The following KLHL40 variants were observed in gnomAD, a reference collection of about 807,000 sequenced individuals.
The protein encoded by KLHL40 is kelch-like protein 40.
KLHL40 carries 44 observed loss-of-function variants against 49.7 expected under a neutral mutation model. The observed-to-expected ratio is 0.89, with a 90% confidence interval of 0.70 to 1.14. The LOEUF (loss-of-function observed/expected upper bound fraction) is 1.14, where lower values mean the gene tolerates loss of function less well. KLHL40 is among the 50% of genes most tolerant of loss of function. The probability of loss-of-function intolerance (pLI) is 0.00; values close to 1 mark genes in which losing one functional copy is unlikely to be tolerated. For synonymous variants in KLHL40, 409 were observed against 365.2 expected, an observed-to-expected ratio of 1.12 and a Z score of -1.37; for missense variants, 892 against 850.3, an observed-to-expected ratio of 1.05 and a Z score of -0.61.
Position 42,686,481 on chromosome 3 carries a change from G to A in KLHL40, c.863G>A (p.Ser288Asn). The A allele has an allele frequency of 6.2e-7, 1 of 1,614,106 alleles. No homozygotes were observed. The change falls in exon 1 of 6, where the codon AGC (serine) becomes AAC (asparagine). Residue 288 changes from serine to asparagine, a missense_variant. Coordinates refer to ENST00000287777, the MANE Select transcript of KLHL40 (RefSeq NM_152393.4). ...AGAKEADKGT[S>N]KAKAEEDEEA... ...GCCAAGGAGGCTGATAAGGGCACAA[G>A]CAAAGCCAAAGCAGAGGAGGATGAG...
At position 42,686,425 on chromosome 3, in the gene KLHL40, G is replaced by T. The variant is rs774102349; in HGVS notation, c.807G>T (p.Arg269=). Residue 269 remains arginine, a synonymous_variant, in exon 1 of 6, where the codon CGG becomes CGT. Coordinates refer to ENST00000287777, the MANE Select transcript of KLHL40 (RefSeq NM_152393.4). Reference sequence around the variant, plus strand: ...ACGAGGGCCGCATCACCACGCTGCGGAAGAAAAAGAAGGGGAAGGATGGAG... The same window carrying T: ...ACGAGGGCCGCATCACCACGCTGCGTAAGAAAAAGAAGGGGAAGGATGGAG... ...DAHEGRITTL[R]KKKKGKDGAG... 3 of 1,613,812 alleles carry T rather than the reference G, an allele frequency of 1.9e-6. No homozygotes were observed. In the East Asian group the frequency reaches 6.7e-5, roughly 36 times the overall value.
chr3:42,688,222 C>G lies in KLHL40; in HGVS notation c.1233C>G (p.Leu411=). ...GCCTCTTTGGCCTGGGAGAAGCTCT[C>G]AACTCCATCTACGTGGTCGGTGGCA... ...PRCLFGLGEA[L]NSIYVVGGRE... is the part of the protein sequence containing the mutation. Residue 411 remains leucine, a synonymous_variant, in exon 2 of 6, where the codon CTC becomes CTG. Transcript: ENST00000287777. The surrounding 1 kb of genome is among the most constrained non-coding windows in gnomAD (Gnocchi z 4.2). The G allele has an allele frequency of 1.2e-6, 2 of 1,613,992 alleles. No homozygotes were observed. The highest frequency in any genetic ancestry group is 2.7e-5 in the African/African-American group (2 of 74,996).
chr3:42,685,972 C>G lies in KLHL40; in HGVS notation c.354C>G (p.Thr118=), dbSNP rs762040421. The change falls in exon 1 of 6, where the codon ACC becomes ACG. Residue 118 remains threonine (T), a synonymous_variant. Transcript: ENST00000287777. ...AHRFQIPSIF[T]ICVSFLQKRL... ...GCTTCCAGATCCCTTCCATCTTCAC[C>G]ATCTGCGTGTCCTTCCTGCAGAAGC... The G allele has an allele frequency of 1.1e-5, 18 of 1,611,844 alleles. No individual in the cohort carries two copies. Among genetic ancestry groups the G allele is most frequent in the Middle Eastern group, 1.6e-4 (1 of 6,084 alleles).
Position 42,692,251 on chromosome 3 carries a change from G to T in KLHL40, c.*258G>T. ...TCTTGATCCATGAACCAGAACCACA[G>T]GGCGGTATCCCAGGCCGTGTGCTGG... On this transcript the variant is annotated 3_prime_UTR_variant, in exon 6 of 6. Transcript: ENST00000287777. 1.9e-6 allele frequency: 1 copy of T among 514,324 alleles called. No homozygotes were observed. The highest frequency in any genetic ancestry group is 3.3e-5 in the East Asian group (1 of 30,490). The allele number at this position is 514,324 out of a possible 1,614,324, so 31.9% of individuals were successfully genotyped here.
chr3:42,687,387 T>G (rs556586520), intron 1 of KLHL40, among the ~76,000 whole-genome samples: 1 of 152,184 alleles, frequency 6.6e-6, no homozygotes, highest in South Asian at 2.1e-4. Context: ...GGGATAGAAC[T>G]GGGGCTGAGC....
At position 42,690,861 on chromosome 3, in the gene KLHL40, G is replaced by A; in HGVS notation, c.1610G>A (p.Trp537Ter). The A allele has an allele frequency of 6.2e-7, 1 of 1,603,740 alleles. No individual in the cohort carries two copies. Among genetic ancestry groups the A allele is most frequent in the Non-Finnish European group, 8.5e-7 (1 of 1,174,602 alleles). ...TGCACCTTCTCACACACCCCCAGGT[G>A]GGCACCCTTCGAGGCCTTCCCACAG... ...AEVYSITDNK[W>*]APFEAFPQER... The change falls in exon 5 of 6, where the codon TGG (tryptophan) becomes TAG (stop). Residue 537 changes from tryptophan (W) to a stop codon, truncating the protein, a stop_gained and splice_region_variant. Transcript: ENST00000287777. LOFTEE classifies it high-confidence loss of function.
At position 42,686,192 on chromosome 3, in the gene KLHL40, GA is replaced by G; in HGVS notation, c.575del (p.Glu192GlyfsTer7). On this transcript the variant is annotated frameshift_variant, in exon 1 of 6. Transcript: ENST00000287777. LOFTEE classifies it high-confidence loss of function. ...SSDGLNVEKE[E>X]AVFEAVMRWA... ...CGACGGCCTTAACGTGGAGAAGGAG[GA>G]GGCAGTGTTCGAGGCGGTGATGCGG... is the stretch of plus-strand genomic sequence containing the variant. The G allele has an allele frequency of 6.3e-7, 1 of 1,579,704 alleles. No individual in the cohort carries two copies.
At chr3:42,691,534 T>C (rs1559615857) in intron 5 of KLHL40, among the ~76,000 whole-genome samples, 1 of 152,076 alleles carries the variant, frequency 6.6e-6, no homozygotes, top group Admixed American at 6.5e-5. Context: ...TGCCGGAGGC[T>C]GAGACGTGAG....
At chr3:42,690,735 G>T (rs1697349882) in intron 4 of KLHL40, 124 bp from the exon 5 acceptor site, 1 of 967,706 alleles carries the variant, frequency 1.0e-6, no homozygotes, top group Non-Finnish European at 1.5e-6. Flanking sequence ...ATGGGGTTGG[G>T]GGCATGGGTG....
Position 42,688,300 on chromosome 3 carries a change from G to A in KLHL40, c.1311G>A (p.Arg437=), listed in dbSNP as rs1369826866. 1 of 1,613,868 alleles carries A rather than the reference G, an allele frequency of 6.2e-7. No individual in the cohort carries two copies. Among genetic ancestry groups the A allele is most frequent in the African/African-American group, 1.3e-5 (1 of 74,960 alleles). The change falls in exon 2 of 6, where the codon AGG becomes AGA. Residue 437 remains arginine (R), a splice_region_variant and synonymous_variant. Coordinates refer to ENST00000287777, the MANE Select transcript of KLHL40 (RefSeq NM_152393.4). The surrounding 1 kb of genome is among the most constrained non-coding windows in gnomAD (Gnocchi z 4.2). ...RCLDSVMCYD[R]LSFKWGESDP... is the part of the protein sequence containing the mutation. The stretch of plus-strand genomic sequence containing the variant: ...TGGACTCGGTCATGTGCTACGACAG[G>A]CTGTGAGCATGGCTGGGGTGGGGCT...
rs1483295172 is a variant in KLHL40 at position 42,690,964 on chromosome 3, G to A, written c.1713G>A (p.Glu571=). ...AIGGFATLET[E]SGELVPTELN... ...GTGGCTTTGCCACACTGGAGACGGA[G>A]TCTGGAGAGCTGGTTCCCACAGAGC... Residue 571 remains glutamate (E), a synonymous_variant, in exon 5 of 6, where the codon GAG becomes GAA. Coordinates refer to ENST00000287777, the MANE Select transcript of KLHL40 (RefSeq NM_152393.4). 4.3e-6 allele frequency: 7 copies of A among 1,613,632 alleles called. No homozygotes were observed. The highest frequency in any genetic ancestry group is 5.1e-6 in the Non-Finnish European group (6 of 1,179,700).
intron 5 of KLHL40, 147 bp from the exon 6 acceptor site, chr3:42,691,735 T>G: frequency 6.5e-6 from 4 of 617,008 alleles, no homozygotes; most frequent in South Asian, 1.9e-5. Flanking sequence ...TTGTGGGGGG[T>G]CTCCTTTCCC....
chr3:42,691,733 G>T (rs1697372841), intron 5 of KLHL40, 149 bp from the exon 6 acceptor site: 1 of 627,480 alleles, frequency 1.6e-6, no homozygotes, highest in East Asian at 2.8e-5. Flanking sequence ...TCTTGTGGGG[G>T]GTCTCCTTTC....
intron 4 of KLHL40, among the ~76,000 whole-genome samples, chr3:42,689,878 A>C (rs907297136): frequency 1.3e-5 from 2 of 152,128 alleles, no homozygotes; most frequent in Non-Finnish European, 2.9e-5. Context: ...ACGCACCCCC[A>C]GGAGATGCTG....
rs1286496478 is a variant in KLHL40, at chr3:42,690,888, A to T, written c.1637A>T (p.Glu546Val). Residue 546 changes from glutamate to valine, a missense_variant, in exon 5 of 6, where the codon GAG (glutamate) becomes GTG (valine). Transcript: ENST00000287777. ...KWAPFEAFPQ[E>V]RSSLSLVSLV... Reference sequence around the variant, plus strand: ...GCACCCTTCGAGGCCTTCCCACAGGAGCGTAGCTCACTCAGCCTGGTCAGC... The same window carrying T: ...GCACCCTTCGAGGCCTTCCCACAGGTGCGTAGCTCACTCAGCCTGGTCAGC... 6.2e-7 allele frequency: 1 copy of T among 1,612,866 alleles called. No individual in the cohort carries two copies. The highest frequency in any genetic ancestry group is 1.1e-5 in the South Asian group (1 of 90,976).
intron 1 of KLHL40, among the ~76,000 whole-genome samples, chr3:42,687,131 A>C (rs1169583054): frequency 6.6e-6 from 1 of 152,250 alleles, no homozygotes; most frequent in Non-Finnish European, 1.5e-5. Flanking sequence ...CGGAGCTCAC[A>C]GCAGTGTCCC....
intron 1 of KLHL40, among the ~76,000 whole-genome samples, chr3:42,687,917 G>A (rs936749053): frequency 7.2e-5 from 11 of 152,174 alleles, no homozygotes; most frequent in East Asian, 1.9e-4. Context: ...GTGCCCTACC[G>A]CCTGCTATAA....
Position 42,688,163 on chromosome 3 carries a change from T to C in KLHL40, c.1174T>C (p.Trp392Arg), listed in dbSNP as rs747230931. The change falls in exon 2 of 6, where the codon TGG (tryptophan) becomes CGG (arginine). Residue 392 changes from tryptophan (W) to arginine (R), a missense_variant. Transcript: ENST00000287777. The surrounding 1 kb of genome is among the most constrained non-coding windows in gnomAD (Gnocchi z 4.2). ...FLQFDHLDSE[W>R]LGMPPLPSPR... ...GCAGTTTGACCATCTGGACTCAGAG[T>C]GGCTGGGGATGCCACCGCTGCCCTC... 3 of 1,613,488 alleles carry C rather than the reference T, an allele frequency of 1.9e-6. No homozygotes were observed. The highest frequency in any genetic ancestry group is 2.5e-6 in the Non-Finnish European group (3 of 1,179,918).
chr3:42,691,073 G>A (rs751022751), intron 5 of KLHL40, 68 bp downstream of exon 5: 533 of 1,494,426 alleles, frequency 3.6e-4, no homozygotes, highest in Non-Finnish European at 4.3e-4. Context: ...CACCATGGTG[G>A]GGTACCAAGG....
Sources: allele counts gnomAD v4.1 joint callset (sites outside exome capture counted in the v4.1 genomes callset), GRCh38; gene constraint gnomAD v4.1.1; non-coding constraint Gnocchi (gnomAD v3.1); transcripts MANE v1.5; gene names NCBI Gene and HGNC (gene_info 2026-07-23, HGNC 2026-07-21).